Variants in PTPRA observed in about 807,000 individuals in gnomAD.
PTPRA encodes the protein receptor-type tyrosine-protein phosphatase alpha.
A neutral mutation model predicts 104.8 loss-of-function variants in PTPRA; 25 were observed. The ratio of observed to expected loss-of-function variants is 0.24; its 90% CI spans 0.17 to 0.33. The LOEUF (loss-of-function observed/expected upper bound fraction) is 0.33. Ranked by LOEUF, PTPRA falls within the 10% of genes least tolerant of loss-of-function variation. The pLI, the probability that PTPRA is intolerant of heterozygous loss-of-function variation, is 1.00. For synonymous variants in PTPRA, 323 were observed against 368.9 expected (o/e 0.88, Z 1.43); for missense variants, 765 against 1,015.3 (o/e 0.75, Z 3.35).
At chr20:2,990,700 C>T (rs1171644660) in intron 9 of PTPRA, among the ~76,000 whole-genome samples, 1 of 152,132 alleles carries the variant, frequency 6.6e-6, no homozygotes, top group Non-Finnish European at 1.5e-5. Context: ...CACTGCACCC[C>T]AGCCTGGACA....
chr20:2,923,281 C>G lies in PTPRA; in HGVS notation c.-54C>G. On this transcript the variant is annotated 5_prime_UTR_variant, in exon 2 of 24. Transcript: ENST00000399903. The stretch of plus-strand genomic sequence containing the variant: ...GTAATGGATGATGCAGTTCAAATAA[C>G]TAAGGTAAGAGAAATAAAACCAGAA... 7.8e-7 allele frequency: 1 copy of G among 1,286,200 alleles called. No homozygotes were observed. Among genetic ancestry groups the G allele is most frequent in the Non-Finnish European group, 1.0e-6 (1 of 987,230 alleles). 79.7% of individuals were successfully genotyped at this position (1,286,200 alleles called of 1,614,324 possible).
At position 2,899,578 on chromosome 20, in the gene PTPRA, CAG is replaced by C. The variant is rs77743327; in HGVS notation, c.-128-23625_-128-23624del. On this transcript the variant is annotated intron_variant, in intron 1 of 23. Transcript: ENST00000399903. ...TGATTTTTGTGTAGCCTCAAAAACA[CAG>C]AGATGGTATGAATGTAAACAACTTT... Among the ~76,000 whole-genome samples the C allele has an allele frequency of 3.7e-4, 56 of 152,222 alleles. No homozygotes were observed. The East Asian group carries it at 9.5e-3, about 26-fold the overall frequency.
intron 1 of PTPRA, among the ~76,000 whole-genome samples, chr20:2,901,428 G>A (rs1178199804): frequency 6.6e-6 from 1 of 152,182 alleles, no homozygotes; most frequent in Admixed American, 6.5e-5. Context: ...GAACAGAGAG[G>A]TTGCTTCAGC....
At chr20:2,993,972 T>G (rs765048396) in intron 9 of PTPRA, among the ~76,000 whole-genome samples, 13 of 152,130 alleles carry the variant, frequency 8.5e-5, no homozygotes, top group Non-Finnish European at 1.5e-4. Flanking sequence ...ATTAGATAGA[T>G]TAATAGGTCC....
chr20:2,907,704 T>A lies in PTPRA; in HGVS notation c.-128-15503T>A, dbSNP rs73606187. Among the ~76,000 whole-genome samples the A allele has an allele frequency of 5.9e-4, 90 of 152,306 alleles. 1 individual carries two copies. The East Asian group carries it at 0.017, about 28-fold the overall frequency. On this transcript the variant is annotated intron_variant, in intron 1 of 23. Coordinates refer to ENST00000399903, the MANE Select transcript of PTPRA (RefSeq NM_001385305.1). ...CTATTCATAGAAGCTAATTCTTCAGTTGTTTTAAACTTGGCACTGACTCCT... is the reference window on the plus strand; with the variant it reads ...CTATTCATAGAAGCTAATTCTTCAGATGTTTTAAACTTGGCACTGACTCCT...
At chr20:2,885,935 G>T (rs1209374932) in intron 1 of PTPRA, among the ~76,000 whole-genome samples, 1 of 152,080 alleles carries the variant, frequency 6.6e-6, no homozygotes, top group South Asian at 2.1e-4. Context: ...GTGGTGGCAC[G>T]CACCTATAAT....
intron 2 of PTPRA, among the ~76,000 whole-genome samples, chr20:2,940,148 A>G (rs2060856053): frequency 6.6e-6 from 1 of 152,186 alleles, no homozygotes; most frequent in South Asian, 2.1e-4. Context: ...AGTGGGAGGA[A>G]TAGGGTGGAA....
chr20:2,934,391 C>T (rs899390586), intron 2 of PTPRA, among the ~76,000 whole-genome samples: 1 of 152,118 alleles, frequency 6.6e-6, no homozygotes, highest in Non-Finnish European at 1.5e-5. Context: ...AGGCATGAGC[C>T]ACCGGGTATT....
intron 6 of PTPRA, among the ~76,000 whole-genome samples, chr20:2,984,375 A>G (rs2062814370): frequency 6.6e-6 from 1 of 152,090 alleles, no homozygotes; most frequent in Non-Finnish European, 1.5e-5. Context: ...TATTCAACTG[A>G]AAATACTCTT....
At position 2,986,752 on chromosome 20, in the gene PTPRA, G is replaced by A. The variant is rs951127814; in HGVS notation, c.443-13G>A. ...CAACACAGTAATGACTTGTTCTGTT[G>A]TCTTGATTTCAGATGAGACACCAAT... is the stretch of plus-strand genomic sequence containing the variant. On this transcript the variant is annotated splice_polypyrimidine_tract_variant and intron_variant, in intron 6 of 23. Coordinates refer to ENST00000399903, the MANE Select transcript of PTPRA (RefSeq NM_001385305.1). 1.9e-6 allele frequency: 3 copies of A among 1,602,080 alleles called. No individual in the cohort carries two copies. Among genetic ancestry groups the A allele is most frequent in the Non-Finnish European group, 2.6e-6 (3 of 1,169,102 alleles).
chr20:2,946,231 A>AGT (rs2061126177), intron 2 of PTPRA, among the ~76,000 whole-genome samples: 1 of 152,040 alleles, frequency 6.6e-6, no homozygotes, highest in South Asian at 2.1e-4. Flanking sequence ...GAGGTTGCGC[A>AGT]GTGGGGAGTT....
At chr20:2,903,505 G>A (rs1312668507) in intron 1 of PTPRA, among the ~76,000 whole-genome samples, 1 of 152,126 alleles carries the variant, frequency 6.6e-6, no homozygotes, top group African/African-American at 2.4e-5. Flanking sequence ...GGGCAACATA[G>A]CAAGACTCTG....
intron 2 of PTPRA, among the ~76,000 whole-genome samples, chr20:2,936,512 A>G (rs1233887890): frequency 2.0e-5 from 3 of 151,868 alleles, no homozygotes; most frequent in Non-Finnish European, 2.9e-5. Context: ...CCCAAGCTGG[A>G]GTGCCGTGGT....
At chr20:3,015,763 T>C (rs2064412255) in intron 11 of PTPRA, 86 bp from the exon 12 acceptor site, 2 of 1,163,250 alleles carry the variant, frequency 1.7e-6, no homozygotes, top group Admixed American at 3.8e-5. Flanking sequence ...TCAGGTTTTG[T>C]TAACTGGTTG....
intron 2 of PTPRA, among the ~76,000 whole-genome samples, chr20:2,938,790 A>G (rs927326455): frequency 3.3e-5 from 5 of 152,158 alleles, no homozygotes; most frequent in Non-Finnish European, 5.9e-5. Context: ...TGTCTTCTAT[A>G]TGCTGAGTGT....
intron 8 of PTPRA, 50 bp downstream of exon 8, chr20:2,988,155 A>G (rs2062987818): frequency 1.3e-6 from 2 of 1,531,244 alleles, no homozygotes; most frequent in African/African-American, 2.8e-5. Flanking sequence ...AAGGAAATCA[A>G]GAAATTAGGA....
At chr20:2,892,871 C>T (rs1341402748) in intron 1 of PTPRA, among the ~76,000 whole-genome samples, 2 of 152,152 alleles carry the variant, frequency 1.3e-5, no homozygotes, top group African/African-American at 4.8e-5. Context: ...CTAATTCTGT[C>T]TTTATTTTCT....
rs2148465583 is a variant in PTPRA, at chr20:3,026,903, G to C, written c.1708+123G>C. On this transcript the variant is annotated intron_variant, in intron 18 of 23. Coordinates refer to ENST00000399903, the MANE Select transcript of PTPRA (RefSeq NM_001385305.1). Reference sequence around the variant, plus strand: ...GACAAGAATCATGGCATTGCCTCTTGTTGCACCCACTTAACAACATGGCGT... The same window carrying C: ...GACAAGAATCATGGCATTGCCTCTTCTTGCACCCACTTAACAACATGGCGT... 10 of 986,114 alleles carry C rather than the reference G, an allele frequency of 1.0e-5. No individual in the cohort carries two copies. The South Asian group carries it at 1.5e-4, about 15-fold the overall frequency. 61.1% of individuals were successfully genotyped at this position (986,114 alleles called of 1,614,324 possible).
At chr20:2,884,820 T>G (rs1218542979) in intron 1 of PTPRA, among the ~76,000 whole-genome samples, 1 of 150,672 alleles carries the variant, frequency 6.6e-6, no homozygotes, top group African/African-American at 2.4e-5. Flanking sequence ...TTGTTTTTTT[T>G]TTTTTTTGAG....
Sources: allele counts gnomAD v4.1 joint callset (sites outside exome capture counted in the v4.1 genomes callset), GRCh38; gene constraint gnomAD v4.1.1; transcripts MANE v1.5; gene names NCBI Gene and HGNC (gene_info 2026-07-23, HGNC 2026-07-21).